PDS5B: variants seen among roughly 807,000 people sequenced by gnomAD.
The protein encoded by PDS5B is PDS5 cohesin associated factor B, also known as sister chromatid cohesion protein PDS5 homolog B.
Under a neutral mutation model 184.1 loss-of-function variants are expected in PDS5B, and 51 were observed. The ratio of observed to expected loss-of-function variants is 0.28; its 90% CI spans 0.22 to 0.35. The LOEUF (loss-of-function observed/expected upper bound fraction) is 0.35, where lower values mean the gene tolerates loss of function less well. PDS5B is among the 10% of genes least tolerant of loss of function. The pLI, the probability that PDS5B is intolerant of heterozygous loss-of-function variation, is 1.00. For missense variants in PDS5B, 1,180 were observed against 1,723.3 expected (o/e 0.68, Z 5.58); for synonymous variants, 566 against 569.2 (o/e 0.99, Z 0.08).
At chr13:32,642,642 C>T (rs1297182260) in intron 1 of PDS5B, among the ~76,000 whole-genome samples, 1 of 151,976 alleles carries the variant, frequency 6.6e-6, no homozygotes, top group Non-Finnish European at 1.5e-5. Flanking sequence ...AATTGAGTAA[C>T]CTCCCTCTTT....
At chr13:32,617,419 C>T (rs61947058) in intron 1 of PDS5B, among the ~76,000 whole-genome samples, 66,103 of 151,942 alleles carry the variant, frequency 0.44, 14,735 homozygotes, top group African/African-American at 0.5. Flanking sequence ...CAGAACAATA[C>T]GACATAAATA....
At chr13:32,745,923 A>G (rs1394834403) in intron 23 of PDS5B, 54 bp from the exon 24 acceptor site, 1 of 1,425,132 alleles carries the variant, frequency 7.0e-7, no homozygotes, top group East Asian at 2.3e-5. Context: ...TGTACAGAAG[A>G]TTTTGTACAA....
At chr13:32,652,855 A>G (rs1421462874) in intron 3 of PDS5B, among the ~76,000 whole-genome samples, 1 of 152,186 alleles carries the variant, frequency 6.6e-6, no homozygotes, top group African/African-American at 2.4e-5. Flanking sequence ...AACTATATAA[A>G]TGCAAAATCT....
chr13:32,648,687 C>A, intron 1 of PDS5B, 67 bp from the exon 2 acceptor site: 1 of 686,166 alleles, frequency 1.5e-6, no homozygotes. Flanking sequence ...GGAAGGTTAC[C>A]ATTTATGTTT....
intron 23 of PDS5B, among the ~76,000 whole-genome samples, chr13:32,743,595 T>C (rs1027223958): frequency 1.3e-5 from 2 of 152,134 alleles, no homozygotes; most frequent in Non-Finnish European, 2.9e-5. Flanking sequence ...TAAGAAAACA[T>C]ACAAAGATGA....
chr13:32,757,258 A>G lies in PDS5B; in HGVS notation c.3057-829A>G, dbSNP rs1343314384. Among the ~76,000 whole-genome samples the G allele has an allele frequency of 3.9e-5, 6 of 152,308 alleles. No individual in the cohort carries two copies. In the East Asian group the frequency reaches 1.2e-3, roughly 29 times the overall value. On this transcript the variant is annotated intron_variant, in intron 26 of 34. Coordinates refer to ENST00000315596, the MANE Select transcript of PDS5B (RefSeq NM_015032.4). ...AAAAATAAATAAAACATCCTTTGGA[A>G]TTTACTAGACACTTACGGTTATATT...
At chr13:32,744,519 G>A (rs1953677020) in intron 23 of PDS5B, among the ~76,000 whole-genome samples, 1 of 152,092 alleles carries the variant, frequency 6.6e-6, no homozygotes, top group African/African-American at 2.4e-5. Context: ...TTCAAGAAAA[G>A]TTTCCTCTGC....
In PDS5B at chr13:32,734,869, T is replaced by TC. The variant is rs528932995; in HGVS notation, c.2248-302dup. On this transcript the variant is annotated intron_variant, in intron 20 of 34. Transcript: ENST00000315596. ...GTCTCTAACACATTCATGTATATGG[T>TC]CATAAACTATATGCTATGAAGTCTG... Among the ~76,000 whole-genome samples the TC allele has an allele frequency of 1.0e-3, 154 of 152,318 alleles. 2 individuals are homozygous for TC. In the South Asian group the frequency reaches 0.017, roughly 17 times the overall value.
Position 32,775,423 on chromosome 13 carries a change from ATTTG to A in PDS5B, c.*374_*377del, listed in dbSNP as rs1954926184. The A allele has an allele frequency of 3.2e-6, 1 of 309,776 alleles. No individual in the cohort carries two copies. The highest frequency in any genetic ancestry group is 6.2e-6 in the Non-Finnish European group (1 of 160,176). The allele number at this position is 309,776 out of a possible 1,614,324, so 19.2% of individuals were successfully genotyped here. A position where few individuals can be genotyped will look rare whatever the true frequency, so the allele number is the denominator to read the frequency against. ...TATTGGATCTATTGATTTGAAAAGA[ATTTG>A]TTAGGATAGATCTTAAGCAGTAATC... On this transcript the variant is annotated 3_prime_UTR_variant, in exon 35 of 35. Transcript: ENST00000315596.
At chr13:32,689,509 C>G (rs1319775092) in intron 13 of PDS5B, 2 of 151,946 alleles carry the variant, frequency 1.3e-5, no homozygotes, top group Non-Finnish European at 2.9e-5. Flanking sequence ...ATCTGATTGC[C>G]CACAAAGCTT....
chr13:32,631,822 C>A (rs2058460416), intron 1 of PDS5B, among the ~76,000 whole-genome samples: 1 of 152,074 alleles, frequency 6.6e-6, no homozygotes, highest in African/African-American at 2.4e-5. Context: ...AAGTTGTGTT[C>A]TAAACTGTTT....
chr13:32,703,349 A>G (rs1190630060), intron 17 of PDS5B, among the ~76,000 whole-genome samples: 1 of 152,220 alleles, frequency 6.6e-6, no homozygotes, highest in African/African-American at 2.4e-5. Context: ...GAAGTAAAGT[A>G]TATTGTGGAC....
chr13:32,774,178 A>G (rs1214256974), intron 34 of PDS5B, among the ~76,000 whole-genome samples: 1 of 152,220 alleles, frequency 6.6e-6, no homozygotes, highest in Non-Finnish European at 1.5e-5. Context: ...AGGAAAAAAC[A>G]TAATACATTT....
chr13:32,755,199 T>A (rs1954131203), intron 25 of PDS5B, among the ~76,000 whole-genome samples: 1 of 152,202 alleles, frequency 6.6e-6, no homozygotes, highest in Non-Finnish European at 1.5e-5. Context: ...TGAGTCCCAG[T>A]CTATGTGTAC....
intron 9 of PDS5B, 114 bp downstream of exon 9, chr13:32,676,073 T>A (rs977552401): frequency 3.4e-6 from 2 of 596,606 alleles, no homozygotes; most frequent in Non-Finnish European, 5.9e-6. Flanking sequence ...AATGAAGGAT[T>A]TTTTATGTTG....
intron 2 of PDS5B, among the ~76,000 whole-genome samples, chr13:32,650,839 G>A (rs1950349997): frequency 6.6e-6 from 1 of 152,186 alleles, no homozygotes; most frequent in Non-Finnish European, 1.5e-5. Context: ...TAGCTGGATG[G>A]CAAGTGGAAA....
At chr13:32,651,418 A>G (rs1950363461) in intron 2 of PDS5B, among the ~76,000 whole-genome samples, 1 of 152,188 alleles carries the variant, frequency 6.6e-6, no homozygotes, top group Admixed American at 6.5e-5. Context: ...TCTTCTCATG[A>G]AAGGATTAGA....
chr13:32,745,442 T>G (rs1953707726), intron 23 of PDS5B, among the ~76,000 whole-genome samples: 1 of 152,228 alleles, frequency 6.6e-6, no homozygotes, highest in Admixed American at 6.5e-5. Context: ...AAAGAAGAAT[T>G]TTGTAGTATT....
chr13:32,759,750 C>T, intron 29 of PDS5B, 60 bp downstream of exon 29: 1 of 747,526 alleles, frequency 1.3e-6, no homozygotes, highest in East Asian at 2.7e-5. Context: ...TGATTATTGG[C>T]AAAATTGTGT....
Sources: allele counts gnomAD v4.1 joint callset (sites outside exome capture counted in the v4.1 genomes callset), GRCh38; gene constraint gnomAD v4.1.1; transcripts MANE v1.5; gene names NCBI Gene and HGNC (gene_info 2026-07-23, HGNC 2026-07-21).